The following KIF16B variants were observed in gnomAD, a reference collection of about 807,000 sequenced individuals.
KIF16B encodes the protein kinesin family member 16B.
KIF16B carries 98 observed loss-of-function variants against 156.3 expected under a neutral mutation model. That is an observed-to-expected ratio of 0.63 (90% CI 0.53 to 0.74). KIF16B has a LOEUF of 0.74. KIF16B is among the 30% of genes least tolerant of loss of function. The pLI is 0.00. For synonymous variants in KIF16B, 564 were observed against 583.7 expected (o/e 0.97, Z 0.49); for missense variants, 1,421 against 1,606.5 (o/e 0.88, Z 1.97).
At chr20:16,434,357 C>T (rs1275991493) in intron 12 of KIF16B, among the ~76,000 whole-genome samples, 4 of 152,186 alleles carry the variant, frequency 2.6e-5, no homozygotes, top group Admixed American at 6.5e-5. Context: ...GTGTAACCAC[C>T]GTAATGGTTT....
rs934447249 is a variant in KIF16B, at chr20:16,402,940, T to C, written c.1784+1873A>G. 4.6e-5 allele frequency among the ~76,000 whole-genome samples: 7 copies of C among 152,170 alleles called. No individual in the cohort carries two copies. The East Asian group carries it at 9.6e-4, about 21-fold the overall frequency. On this transcript the variant is annotated intron_variant, in intron 17 of 25. Coordinates refer to ENST00000354981, the MANE Select transcript of KIF16B (RefSeq NM_024704.5). Reference sequence around the variant, plus strand: ...TTTAAGAGAACTACACTTTCTCCTGTTTTAGGGAGAAAAAAGAAAGACTTC... The same window carrying C: ...TTTAAGAGAACTACACTTTCTCCTGCTTTAGGGAGAAAAAAGAAAGACTTC...
chr20:16,507,880 T>C lies in KIF16B; in HGVS notation c.699+78A>G. Reference sequence around the variant, plus strand: ...CCTGCTGCTGCTCCTGGTTCAACAATGATCAGTCCTCAGCTGGTGCTAATC... The same window carrying C: ...CCTGCTGCTGCTCCTGGTTCAACAACGATCAGTCCTCAGCTGGTGCTAATC... On this transcript the variant is annotated intron_variant, in intron 7 of 25. Coordinates refer to ENST00000354981, the MANE Select transcript of KIF16B (RefSeq NM_024704.5). The C allele has an allele frequency of 2.0e-6, 3 of 1,469,302 alleles. No homozygotes were observed. The East Asian group carries it at 6.8e-5, about 34-fold the overall frequency. The allele number at this position is 1,469,302 out of a possible 1,614,324, so 91.0% of individuals were successfully genotyped here. A position where few individuals can be genotyped will look rare whatever the true frequency, so the allele number is the denominator to read the frequency against.
At position 16,378,764 on chromosome 20, in the gene KIF16B, T is replaced by C. The variant is rs546710178; in HGVS notation, c.3197+41A>G. ...GAGGAGTGAAAAATGAGCACTCATT[T>C]GGCACCCACTGTATGCCACACCCTT... is the stretch of plus-strand genomic sequence containing the variant. On this transcript the variant is annotated intron_variant, in intron 19 of 25. Transcript: ENST00000354981. 7 of 1,525,838 alleles carry C rather than the reference T, an allele frequency of 4.6e-6. No homozygotes were observed. In the South Asian group the frequency reaches 7.9e-5, roughly 17 times the overall value. 94.5% of individuals were successfully genotyped at this position (1,525,838 alleles called of 1,614,324 possible).
intron 12 of KIF16B, among the ~76,000 whole-genome samples, chr20:16,490,281 C>T (rs1169242253): frequency 6.6e-6 from 1 of 152,118 alleles, no homozygotes; most frequent in Non-Finnish European, 1.5e-5. Context: ...GGCATGGTGG[C>T]TCACGCCTGC....
chr20:16,400,715 T>G (rs533966744), intron 17 of KIF16B, among the ~76,000 whole-genome samples: 4 of 152,300 alleles, frequency 2.6e-5, no homozygotes, highest in Admixed American at 2.6e-4. Flanking sequence ...TGCTATATGG[T>G]GGATGAACAT....
At chr20:16,290,273 T>G (rs1372914919) in intron 25 of KIF16B, among the ~76,000 whole-genome samples, 2 of 152,236 alleles carry the variant, frequency 1.3e-5, no homozygotes, top group African/African-American at 4.8e-5. Flanking sequence ...TGTACATTAT[T>G]TGATGGCATC....
At chr20:16,405,283 A>C (rs1303108128) in intron 16 of KIF16B, among the ~76,000 whole-genome samples, 1 of 152,116 alleles carries the variant, frequency 6.6e-6, no homozygotes, top group Non-Finnish European at 1.5e-5. Context: ...TAGAACGATA[A>C]AGAAGAAGGC....
intron 19 of KIF16B, among the ~76,000 whole-genome samples, chr20:16,378,077 A>G (rs1200907006): frequency 1.3e-5 from 2 of 152,190 alleles, no homozygotes; most frequent in East Asian, 3.9e-4. Flanking sequence ...CTGTGACTCA[A>G]TAGGGGTGGG....
At chr20:16,486,409 A>ATTG (rs1037259394) in intron 12 of KIF16B, among the ~76,000 whole-genome samples, 6 of 152,208 alleles carry the variant, frequency 3.9e-5, no homozygotes, top group African/African-American at 1.2e-4. Context: ...ATCCTAGTTA[A>ATTG]TTGGAACGTT....
At chr20:16,335,860 T>C (rs953863190) in intron 24 of KIF16B, 66 bp downstream of exon 24, 6 of 961,928 alleles carry the variant, frequency 6.2e-6, no homozygotes, top group African/African-American at 4.9e-5. Context: ...ACATTGCTAA[T>C]GCAATCAGCT....
chr20:16,339,391 T>C (rs979912812), intron 23 of KIF16B, among the ~76,000 whole-genome samples: 2 of 152,210 alleles, frequency 1.3e-5, no homozygotes, highest in African/African-American at 2.4e-5. Flanking sequence ...CCCTGACTTC[T>C]AAACATCGAG....
chr20:16,495,676 CTTG>C (rs764066458), intron 11 of KIF16B, among the ~76,000 whole-genome samples: 2 of 152,002 alleles, frequency 1.3e-5, no homozygotes, highest in Admixed American at 6.6e-5. Flanking sequence ...TGCTTGTTTT[CTTG>C]TTGTTGTTGT....
intron 23 of KIF16B, among the ~76,000 whole-genome samples, chr20:16,336,610 A>G (rs1252458134): frequency 6.6e-6 from 1 of 151,980 alleles, no homozygotes; most frequent in Admixed American, 6.6e-5. Flanking sequence ...CACATACCCA[A>G]CTTGGCACAT....
At chr20:16,380,439 A>G (rs528262360) in intron 18 of KIF16B, among the ~76,000 whole-genome samples, 11 of 152,344 alleles carry the variant, frequency 7.2e-5, no homozygotes, top group African/African-American at 2.6e-4. Flanking sequence ...TATGCATGAT[A>G]TAATTTTAAA....
At chr20:16,568,474 G>A (rs1055194928) in intron 1 of KIF16B, among the ~76,000 whole-genome samples, 9 of 152,140 alleles carry the variant, frequency 5.9e-5, no homozygotes, top group Non-Finnish European at 1.0e-4. Flanking sequence ...TGTGTGGAGA[G>A]CTTTATCCAC....
At chr20:16,567,544 T>C (rs886081234) in intron 1 of KIF16B, among the ~76,000 whole-genome samples, 1 of 152,200 alleles carries the variant, frequency 6.6e-6, no homozygotes, top group Non-Finnish European at 1.5e-5. Flanking sequence ...TAAAGGGCTC[T>C]GAAGGGAACC....
chr20:16,345,589 C>T (rs868265760), intron 23 of KIF16B, among the ~76,000 whole-genome samples: 1 of 152,148 alleles, frequency 6.6e-6, no homozygotes, highest in Non-Finnish European at 1.5e-5. Context: ...TTAGAGAGAA[C>T]ATTGATTTAG....
chr20:16,383,082 C>T (rs2065140928), intron 17 of KIF16B, among the ~76,000 whole-genome samples: 1 of 152,078 alleles, frequency 6.6e-6, no homozygotes, highest in Non-Finnish European at 1.5e-5. Context: ...CAGCCTTGAC[C>T]TCCTAGGCTC....
chr20:16,393,019 T>C lies in KIF16B; in HGVS notation c.1785-11272A>G, dbSNP rs538376122. On this transcript the variant is annotated intron_variant, in intron 17 of 25. Transcript: ENST00000354981. ...AATCAATAATGATATAAACATAAAA[T>C]GAAGAATCATATTCAACGGCGTGAG... Among the ~76,000 whole-genome samples, 199 of 152,268 alleles carry C rather than the reference T, an allele frequency of 1.3e-3. 1 individual carries two copies. Among genetic ancestry groups the C allele is most frequent in the African/African-American group, 4.6e-3 (190 of 41,548 alleles).
Sources: allele counts gnomAD v4.1 joint callset (sites outside exome capture counted in the v4.1 genomes callset), GRCh38; gene constraint gnomAD v4.1.1; transcripts MANE v1.5; gene names NCBI Gene and HGNC (gene_info 2026-07-23, HGNC 2026-07-21).